The following HHEX variants were observed in gnomAD, a reference collection of about 807,000 sequenced individuals.
HHEX encodes the protein hematopoietically expressed homeobox, also known as hematopoietically-expressed homeobox protein HHEX.
Under a neutral mutation model 27.0 loss-of-function variants are expected in HHEX, and 8 were observed. The observed-to-expected ratio is 0.30, with a 90% CI of 0.17 to 0.54. The LOEUF (loss-of-function observed/expected upper bound fraction) is 0.54. Ranked by LOEUF, HHEX falls within the 20% of genes least tolerant of loss-of-function variation. The pLI is 0.95. For synonymous variants in HHEX, 164 were observed against 161.5 expected (o/e 1.02, Z -0.12); for missense variants, 326 against 357.2 (o/e 0.91, Z 0.70).
Position 92,692,747 on chromosome 10 carries a change from A to G in HHEX, c.586A>G (p.Lys196Glu). 6.2e-7 allele frequency: 1 copy of G among 1,611,834 alleles called. No individual in the cohort carries two copies. Among genetic ancestry groups the G allele is most frequent in the Non-Finnish European group, 8.5e-7 (1 of 1,177,914 alleles). ...TCGACGCGCTAAATGGAGGAGACTA[A>G]AACAGGTATGGACATGGTTCTGTTT... Reference protein sequence around the residue: ...QNRRAKWRRLKQENPQSNKKE... With the variant: ...QNRRAKWRRLEQENPQSNKKE... Residue 196 changes from lysine to glutamate, a missense_variant, in exon 3 of 4, where the codon AAA becomes GAA. By Grantham distance (56) the Lys-to-Glu change is moderately conservative. Around this residue, in one of 4 missense-constraint regions of HHEX, gnomAD observed 68 missense variants for 84.9 expected, o/e 0.80. Coordinates refer to ENST00000282728, the MANE Select transcript of HHEX (RefSeq NM_002729.5).
rs1003636445 is a variant in HHEX at position 92,695,195 on chromosome 10, A to G, written c.*427A>G. 1.3e-5 allele frequency: 2 copies of G among 158,734 alleles called. No individual in the cohort carries two copies. The highest frequency in any genetic ancestry group is 4.8e-5 in the African/African-American group (2 of 41,488). The allele number at this position is 158,734 out of a possible 1,614,324, so 9.8% of individuals were successfully genotyped here. A position where few individuals can be genotyped will look rare whatever the true frequency, so the allele number is the denominator to read the frequency against. ...AAAGGCAAAGGGGTACCCCAAATCCAGAGGTGCCTACATTTCAGGCAGCCT... is the reference window on the plus strand; with the variant it reads ...AAAGGCAAAGGGGTACCCCAAATCCGGAGGTGCCTACATTTCAGGCAGCCT... On this transcript the variant is annotated 3_prime_UTR_variant, in exon 4 of 4. Coordinates refer to ENST00000282728, the MANE Select transcript of HHEX (RefSeq NM_002729.5).
intron 1 of HHEX, among the ~76,000 whole-genome samples, chr10:92,690,718 C>T (rs1172561903): frequency 6.6e-6 from 1 of 152,184 alleles, no homozygotes; most frequent in Non-Finnish European, 1.5e-5. Context: ...GCCCGGGTGG[C>T]TACGGGGCTG....
At chr10:92,692,778 G>A in intron 3 of HHEX, 26 bp downstream of exon 3, 1 of 1,589,242 alleles carries the variant, frequency 6.3e-7, no homozygotes, top group Non-Finnish European at 8.6e-7. Flanking sequence ...TGTTTCTATG[G>A]AAATAAATAT....
rs757308946 is a variant in HHEX at position 92,690,186 on chromosome 10, C to G, written c.200C>G (p.Thr67Ser). The change falls in exon 1 of 4, where the codon ACC becomes AGC. Residue 67 changes from threonine (T) to serine (S), a missense_variant. Transcript: ENST00000282728. ...SFTSLVSPYR[T>S]PVYEPTPIHP... is the part of the protein sequence containing the mutation. ...ACCAGCCTCGTGTCCCCCTACCGGACCCCGGTGTACGAGCCCACGCCGATC... is the reference window on the plus strand; with the variant it reads ...ACCAGCCTCGTGTCCCCCTACCGGAGCCCGGTGTACGAGCCCACGCCGATC... 1 of 1,569,040 alleles carries G rather than the reference C, an allele frequency of 6.4e-7. No homozygotes were observed. The highest frequency in any genetic ancestry group is 8.6e-7 in the Non-Finnish European group (1 of 1,157,988).
intron 3 of HHEX, 134 bp downstream of exon 3, chr10:92,692,886 A>G (rs1845371781): frequency 2.7e-6 from 2 of 729,798 alleles, no homozygotes; most frequent in Non-Finnish European, 4.6e-6. Context: ...AAAGACAAAT[A>G]GTCCTGCTGA....
chr10:92,694,494 C>A, intron 3 of HHEX, 53 bp from the exon 4 acceptor site: 1 of 1,315,964 alleles, frequency 7.6e-7, no homozygotes, highest in Non-Finnish European at 1.1e-6. Flanking sequence ...ATTCCTCTCA[C>A]CTATCCATAT....
chr10:92,693,763 G>T (rs888521310), intron 3 of HHEX, among the ~76,000 whole-genome samples: 1 of 152,152 alleles, frequency 6.6e-6, no homozygotes, highest in Non-Finnish European at 1.5e-5. Context: ...ATATTTCTAT[G>T]TAGTATTTAT....
intron 3 of HHEX, 136 bp downstream of exon 3, chr10:92,692,888 T>C: frequency 4.1e-6 from 3 of 726,634 alleles, no homozygotes. Flanking sequence ...AGACAAATAG[T>C]CCTGCTGAAA....
chr10:92,691,748 G>A (rs1233281283), intron 1 of HHEX: 1 of 152,326 alleles, frequency 6.6e-6, no homozygotes, highest in Non-Finnish European at 1.5e-5. Flanking sequence ...TAGACCAACA[G>A]GAAACACATT....
Position 92,694,750 on chromosome 10 carries a change from C to G in HHEX, c.795C>G (p.Ser265Arg), listed in dbSNP as rs368062383. ...DQEVDIEGDK[S>R]YFNAG ...AAGTGGACATTGAGGGCGATAAAAGCTATTTTAATGCTGGATGATGACCAC... is the reference window on the plus strand; with the variant it reads ...AAGTGGACATTGAGGGCGATAAAAGGTATTTTAATGCTGGATGATGACCAC... The change falls in exon 4 of 4, where the codon AGC becomes AGG. Residue 265 changes from serine (S) to arginine (R), a missense_variant. This residue lies in a region of HHEX where 68 missense variants were observed against 84.9 expected (regional missense o/e 0.80). Coordinates refer to ENST00000282728, the MANE Select transcript of HHEX (RefSeq NM_002729.5). 6.2e-7 allele frequency: 1 copy of G among 1,612,016 alleles called. No homozygotes were observed. The highest frequency in any genetic ancestry group is 8.5e-7 in the Non-Finnish European group (1 of 1,178,228).
chr10:92,695,563 T>TAA lies in HHEX; in HGVS notation c.*802_*803dup, dbSNP rs368502562. On this transcript the variant is annotated 3_prime_UTR_variant, in exon 4 of 4. Coordinates refer to ENST00000282728, the MANE Select transcript of HHEX (RefSeq NM_002729.5). The stretch of plus-strand genomic sequence containing the variant: ...AATGTGTATATAGAATTGTTCACTG[T>TAA]AAAAAAAATGGCCAAAATGTGTTTT... The TAA allele has an allele frequency of 2.4e-4, 37 of 151,766 alleles. No homozygotes were observed. Among genetic ancestry groups the TAA allele is most frequent in the African/African-American group, 8.0e-4 (33 of 41,402 alleles). The allele number at this position is 151,766 out of a possible 1,614,324, so 9.4% of individuals were successfully genotyped here.
chr10:92,690,427 G>A (rs1845341931), intron 1 of HHEX, 80 bp downstream of exon 1: 1 of 1,371,916 alleles, frequency 7.3e-7, no homozygotes, highest in Non-Finnish European at 9.4e-7. Flanking sequence ...GGGGGCGAAG[G>A]GGGCAGGCGG....
intron 3 of HHEX, 60 bp from the exon 4 acceptor site, chr10:92,694,487 C>A: frequency 8.1e-7 from 1 of 1,234,248 alleles, no homozygotes; most frequent in South Asian, 1.3e-5. Flanking sequence ...TTGATTTATT[C>A]CTCTCACCTA....
chr10:92,690,188 C>G lies in HHEX; in HGVS notation c.202C>G (p.Pro68Ala). The G allele has an allele frequency of 6.4e-7, 1 of 1,570,170 alleles. No individual in the cohort carries two copies. Among genetic ancestry groups the G allele is most frequent in the Non-Finnish European group, 8.6e-7 (1 of 1,158,614 alleles). Residue 68 changes from proline to alanine, a missense_variant, in exon 1 of 4, where the codon CCG (proline) becomes GCG (alanine). This residue lies in a region of HHEX where 215 missense variants were observed against 196.4 expected (regional missense o/e 1.09). Coordinates refer to ENST00000282728, the MANE Select transcript of HHEX (RefSeq NM_002729.5). The stretch of plus-strand genomic sequence containing the variant: ...CAGCCTCGTGTCCCCCTACCGGACC[C>G]CGGTGTACGAGCCCACGCCGATCCA... ...FTSLVSPYRT[P>A]VYEPTPIHPA...
chr10:92,694,591 C>T lies in HHEX; in HGVS notation c.636C>T (p.Asp212=), dbSNP rs776058599. The T allele has an allele frequency of 3.7e-6, 6 of 1,613,964 alleles. No individual in the cohort carries two copies. The highest frequency in any genetic ancestry group is 5.1e-6 in the Non-Finnish European group (6 of 1,179,982). Residue 212 remains aspartate (D), a synonymous_variant, in exon 4 of 4, where the codon GAC becomes GAT. Coordinates refer to ENST00000282728, the MANE Select transcript of HHEX (RefSeq NM_002729.5). ...SNKKEELESL[D]SSCDQRQDLP... ...AAAAAGAAGAACTGGAAAGTTTGGA[C>T]AGTTCCTGTGATCAGAGGCAAGATT...
intron 1 of HHEX, 85 bp downstream of exon 1, chr10:92,690,432 A>T (rs1446578751): frequency 7.3e-7 from 1 of 1,362,548 alleles, no homozygotes. Context: ...CGAAGGGGGC[A>T]GGCGGTAGAC....
intron 1 of HHEX, among the ~76,000 whole-genome samples, chr10:92,691,388 C>T (rs1309614540): frequency 6.6e-6 from 1 of 152,206 alleles, no homozygotes; most frequent in Admixed American, 6.5e-5. Context: ...TTATTGGAAG[C>T]TTCAGTAGGG....
At position 92,689,983 on chromosome 10, in the gene HHEX, A is replaced by C; in HGVS notation, c.-4A>C. 4 of 1,403,932 alleles carry C rather than the reference A, an allele frequency of 2.8e-6. No homozygotes were observed. In the South Asian group the frequency reaches 4.7e-5, roughly 17 times the overall value. The allele number at this position is 1,403,932 out of a possible 1,614,324, so 87.0% of individuals were successfully genotyped here. ...TCTGCGAGGGGCCGGAGCGCGGCGG[A>C]GCCATGCAGTACCCGCACCCCGGGC... On this transcript the variant is annotated 5_prime_UTR_variant, in exon 1 of 4. Transcript: ENST00000282728.
At chr10:92,692,045 A>G (rs1589622550) in intron 1 of HHEX, 1 of 207,548 alleles carries the variant, frequency 4.8e-6, no homozygotes, top group Non-Finnish European at 9.8e-6. Context: ...CTGGGGAAAG[A>G]GGGTCGTGGT....
Sources: allele counts gnomAD v4.1 joint callset (sites outside exome capture counted in the v4.1 genomes callset), GRCh38; gene constraint gnomAD v4.1.1; regional missense constraint gnomAD v4.1.1; transcripts MANE v1.5; gene names NCBI Gene and HGNC (gene_info 2026-07-23, HGNC 2026-07-21).